The following EPHA2 variants were observed in gnomAD, a reference collection of about 807,000 sequenced individuals.
The protein encoded by EPHA2 is ephrin type-A receptor 2.
A neutral mutation model predicts 104.9 loss-of-function variants in EPHA2; 54 were observed. That is an observed-to-expected ratio of 0.51 (90% CI 0.41 to 0.65). EPHA2 has a LOEUF of 0.65. EPHA2 is among the 30% of genes least tolerant of loss of function. The probability of loss-of-function intolerance (pLI) is 0.00; values close to 1 mark genes in which losing one functional copy is unlikely to be tolerated. For synonymous variants in EPHA2, 560 were observed against 559.1 expected, an observed-to-expected ratio of 1.00 and a Z score of -0.02; for missense variants, 1,117 against 1,369.5, an observed-to-expected ratio of 0.82 and a Z score of 2.91.
Position 16,135,169 on chromosome 1 carries a change from A to G in EPHA2, c.1449T>C (p.Asn483=). 6.2e-7 allele frequency: 1 copy of G among 1,613,904 alleles called. No individual in the cohort carries two copies. The highest frequency in any genetic ancestry group is 8.5e-7 in the Non-Finnish European group (1 of 1,179,968). ...CGGAGAAACCCTCGGTGCGGCGCAC[A>G]TTGTAGCTGTTGGAGTCTCCCTGTG... ...YRKKGDSNSY[N]VRRTEGFSVT... Residue 483 remains asparagine, a synonymous_variant, in exon 7 of 17, where the codon AAT becomes AAC. Coordinates refer to ENST00000358432, the MANE Select transcript of EPHA2 (RefSeq NM_004431.5). The surrounding 1 kb of genome is among the most constrained non-coding windows in gnomAD (Gnocchi z 4.3).
At chr1:16,137,138 A>T (rs2024727605) in intron 5 of EPHA2, among the ~76,000 whole-genome samples, 1 of 152,088 alleles carries the variant, frequency 6.6e-6, no homozygotes. Context: ...AGGGGAGAAC[A>T]TTGAGGCCCA....
Position 16,135,487 on chromosome 1 carries a change from T to A in EPHA2, c.1428+168A>T. 1 of 760,264 alleles carries A rather than the reference T, an allele frequency of 1.3e-6. No homozygotes were observed. The highest frequency in any genetic ancestry group is 2.0e-5 in the Admixed American group (1 of 49,698). The allele number at this position is 760,264 out of a possible 1,614,324, so 47.1% of individuals were successfully genotyped here. A position where few individuals can be genotyped will look rare whatever the true frequency, so the allele number is the denominator to read the frequency against. On this transcript the variant is annotated intron_variant, in intron 6 of 16. Coordinates refer to ENST00000358432, the MANE Select transcript of EPHA2 (RefSeq NM_004431.5). The surrounding 1 kb of genome is among the most constrained non-coding windows in gnomAD (Gnocchi z 4.3). ...TGTCTTCTCTCGTACAAATCTCTGC[T>A]GTGCTGCCTTGGGAGATGTAACCCC...
rs1329173971 is a variant in EPHA2, at chr1:16,133,881, C to T, written c.1717G>A (p.Asp573Asn). ...TCACCTGACTTGGAGAAGTAAACGT[C>T]CTCCGGGGACTGGCGGGCACGCTGG... ...KNQRARQSPE[D>N]VYFSKSEQLK... The change falls in exon 9 of 17, where the codon GAC becomes AAC. Residue 573 changes from aspartate to asparagine, a missense_variant. Around this residue, in one of 3 missense-constraint regions of EPHA2, gnomAD observed 113 missense variants for 104.3 expected, o/e 1.08. Coordinates refer to ENST00000358432, the MANE Select transcript of EPHA2 (RefSeq NM_004431.5). 7 of 1,550,478 alleles carry T rather than the reference C, an allele frequency of 4.5e-6. No homozygotes were observed. The highest frequency in any genetic ancestry group is 6.1e-6 in the Non-Finnish European group (7 of 1,146,384).
chr1:16,155,822 G>T, intron 1 of EPHA2, 26 bp downstream of exon 1: 1 of 1,396,152 alleles, frequency 7.2e-7, no homozygotes, highest in South Asian at 1.6e-5. Flanking sequence ...CCGGGGGCCA[G>T]GGGTCCAGAC....
chr1:16,132,282 G>A lies in EPHA2; in HGVS notation c.2116-9C>T, dbSNP rs753038083. 2.3e-5 allele frequency: 37 copies of A among 1,613,922 alleles called. No individual in the cohort carries two copies. The highest frequency in any genetic ancestry group is 3.3e-4 in the Middle Eastern group (2 of 6,084). ...AACTCGCCATCCTTCTCCTGCCGGA[G>A]CACAGGCGCTCAGCTGCAGGCCAGC... is the stretch of plus-strand genomic sequence containing the variant. On this transcript the variant is annotated splice_polypyrimidine_tract_variant and intron_variant, in intron 12 of 16. Coordinates refer to ENST00000358432, the MANE Select transcript of EPHA2 (RefSeq NM_004431.5).
chr1:16,137,415 A>G (rs1486884635), intron 5 of EPHA2, among the ~76,000 whole-genome samples: 1 of 151,942 alleles, frequency 6.6e-6, no homozygotes, highest in African/African-American at 2.4e-5. Flanking sequence ...TGGCCGACAT[A>G]GTGAAACCCT....
At chr1:16,142,031 C>G (rs1428054540) in intron 3 of EPHA2, among the ~76,000 whole-genome samples, 2 of 152,134 alleles carry the variant, frequency 1.3e-5, no homozygotes, top group Non-Finnish European at 2.9e-5. Context: ...GATTTCCTGG[C>G]ATTCTAGGCG....
rs1319383869 is a variant in EPHA2 at position 16,132,402 on chromosome 1, A to G, written c.2091T>C (p.Asn697=). Residue 697 remains asparagine, a synonymous_variant, in exon 12 of 17, where the codon AAT becomes AAC. Coordinates refer to ENST00000358432, the MANE Select transcript of EPHA2 (RefSeq NM_004431.5). The stretch of plus-strand genomic sequence containing the variant: ...CCCGAAGGAACTTGTCCAGGGCCCC[A>G]TTCTCCATGTACTCAGTGATGATCA... ...PMMIITEYME[N]GALDKFLREK... 6 of 1,613,928 alleles carry G rather than the reference A, an allele frequency of 3.7e-6. No individual in the cohort carries two copies. Among genetic ancestry groups the G allele is most frequent in the Non-Finnish European group, 5.1e-6 (6 of 1,180,028 alleles).
rs1163092385 is a variant in EPHA2 at position 16,134,847 on chromosome 1, C to T, written c.1582+189G>A. Among the ~76,000 whole-genome samples the T allele has an allele frequency of 6.6e-6, 1 of 152,250 alleles. No homozygotes were observed. The highest frequency in any genetic ancestry group is 2.4e-5 in the African/African-American group (1 of 41,474). The stretch of plus-strand genomic sequence containing the variant: ...CTGTCGTGAATCCACATCCCGGCTC[C>T]TCCACCCCTCAGCCTTCCATGCTTC... On this transcript the variant is annotated intron_variant, in intron 7 of 16. Transcript: ENST00000358432. This position sits in a 1 kb window ranked among gnomAD's most constrained non-coding sequence, Gnocchi z 4.5.
Position 16,135,106 on chromosome 1 carries a change from C to G in EPHA2, c.1512G>C (p.Leu504=), listed in dbSNP as rs35676629. Reference sequence around the variant, plus strand: ...CCTGCGTCAGTGCCTGCACCTGGACCAGGTAGGTGGTGTCTGGGGCCAGGT... The same window carrying G: ...CCTGCGTCAGTGCCTGCACCTGGACGAGGTAGGTGGTGTCTGGGGCCAGGT... The part of the protein sequence containing the change: ...LDDLAPDTTY[L]VQVQALTQEG... Residue 504 remains leucine, a synonymous_variant, in exon 7 of 17, where the codon CTG becomes CTC. Transcript: ENST00000358432. This position sits in a 1 kb window ranked among gnomAD's most constrained non-coding sequence, Gnocchi z 4.3. 1 of 1,613,826 alleles carries G rather than the reference C, an allele frequency of 6.2e-7. No individual in the cohort carries two copies. The highest frequency in any genetic ancestry group is 1.7e-5 in the Admixed American group (1 of 60,016).
chr1:16,140,095 G>A (rs1201182962), intron 3 of EPHA2, among the ~76,000 whole-genome samples: 1 of 152,226 alleles, frequency 6.6e-6, no homozygotes, highest in Non-Finnish European at 1.5e-5. Context: ...GGGACCAGGA[G>A]TCAGGGGAAC....
At chr1:16,132,878 G>A (rs2024602867) in intron 11 of EPHA2, 1 of 531,602 alleles carries the variant, frequency 1.9e-6, no homozygotes, top group East Asian at 3.3e-5. Context: ...GGTGGGCACA[G>A]GTGTAAGGAG....
At position 16,135,639 on chromosome 1, in the gene EPHA2, C is replaced by A; in HGVS notation, c.1428+16G>T. The A allele has an allele frequency of 1.2e-6, 2 of 1,612,028 alleles. No individual in the cohort carries two copies. The highest frequency in any genetic ancestry group is 2.2e-5 in the East Asian group (1 of 44,860). Reference sequence around the variant, plus strand: ...GTCGGCCCAGCTAGAGCCAGCCCCGCCCCTCTGGGAGTTACCTTCTTGCGG... The same window carrying A: ...GTCGGCCCAGCTAGAGCCAGCCCCGACCCTCTGGGAGTTACCTTCTTGCGG... On this transcript the variant is annotated intron_variant, in intron 6 of 16. Transcript: ENST00000358432. The surrounding 1 kb of genome is among the most constrained non-coding windows in gnomAD (Gnocchi z 4.3).
At chr1:16,132,038 C>T (rs759158557) in intron 13 of EPHA2, 26 bp downstream of exon 13, 2 of 1,614,028 alleles carry the variant, frequency 1.2e-6, no homozygotes, top group South Asian at 1.1e-5. Context: ...GCCGCTTCTC[C>T]CTTGAGGTCC....
At position 16,129,422 on chromosome 1, in the gene EPHA2, G is replaced by A; in HGVS notation, c.2825+12C>T. On this transcript the variant is annotated intron_variant, in intron 16 of 16. Coordinates refer to ENST00000358432, the MANE Select transcript of EPHA2 (RefSeq NM_004431.5). Reference sequence around the variant, plus strand: ...CGGGAGGCGAGGGGGGACGGAAAGGGGCCTGACTTACTCGTTGGTCATCTG... The same window carrying A: ...CGGGAGGCGAGGGGGGACGGAAAGGAGCCTGACTTACTCGTTGGTCATCTG... 1 of 1,612,070 alleles carries A rather than the reference G, an allele frequency of 6.2e-7. No homozygotes were observed. The highest frequency in any genetic ancestry group is 8.5e-7 in the Non-Finnish European group (1 of 1,179,944).
At position 16,130,191 on chromosome 1, in the gene EPHA2, T is replaced by A. The variant is rs756151097; in HGVS notation, c.2669+35A>T. 6.2e-7 allele frequency: 1 copy of A among 1,613,434 alleles called. No individual in the cohort carries two copies. Among genetic ancestry groups the A allele is most frequent in the Non-Finnish European group, 8.5e-7 (1 of 1,179,666 alleles). ...GGTTCAAGAGTCTGCAGAAGGAAAA[T>A]TGAGGTCATCATGGGCAGAGGGCAT... On this transcript the variant is annotated intron_variant, in intron 15 of 16. Transcript: ENST00000358432. The surrounding 1 kb of genome is among the most constrained non-coding windows in gnomAD (Gnocchi z 4.5).
At chr1:16,136,338 G>A (rs2024683595) in intron 5 of EPHA2, among the ~76,000 whole-genome samples, 1 of 107,862 alleles carries the variant, frequency 9.3e-6, no homozygotes, top group Non-Finnish European at 2.0e-5. Flanking sequence ...AATAATAAAA[G>A]GCCAGGTGTG....
intron 3 of EPHA2, among the ~76,000 whole-genome samples, chr1:16,146,129 C>T (rs1045047786): frequency 1.3e-5 from 2 of 152,182 alleles, no homozygotes; most frequent in East Asian, 3.9e-4. Context: ...GCATCTCGCG[C>T]ACCGGCACCC....
Position 16,125,028 on chromosome 1 carries a change from C to A in EPHA2, c.*187G>T. On this transcript the variant is annotated 3_prime_UTR_variant, in exon 17 of 17. Transcript: ENST00000358432. This position sits in a 1 kb window ranked among gnomAD's most constrained non-coding sequence, Gnocchi z 4.9. ...CGTCTCGCAGGGAAAGAGGGCCCAG[C>A]CCAGCATCCCTGGTCATCTCCTCAG... The A allele has an allele frequency of 1.6e-6, 1 of 638,438 alleles. No homozygotes were observed. The highest frequency in any genetic ancestry group is 2.9e-6 in the Non-Finnish European group (1 of 349,956). The allele number at this position is 638,438 out of a possible 1,614,324, so 39.5% of individuals were successfully genotyped here. A position where few individuals can be genotyped will look rare whatever the true frequency, so the allele number is the denominator to read the frequency against.
Sources: allele counts gnomAD v4.1 joint callset (sites outside exome capture counted in the v4.1 genomes callset), GRCh38; gene constraint gnomAD v4.1.1; regional missense constraint gnomAD v4.1.1; non-coding constraint Gnocchi (gnomAD v3.1); transcripts MANE v1.5; gene names NCBI Gene and HGNC (gene_info 2026-07-23, HGNC 2026-07-21).